The following ABHD13 variants were observed in gnomAD, a reference collection of about 807,000 sequenced individuals.
The protein encoded by ABHD13 is abhydrolase domain containing 13.
A neutral mutation model predicts 25.2 loss-of-function variants in ABHD13; 7 were observed. The ratio of observed to expected loss-of-function variants is 0.28; its 90% CI spans 0.16 to 0.52. The LOEUF is 0.52. Ranked by LOEUF, ABHD13 falls within the 20% of genes least tolerant of loss-of-function variation. ABHD13 has a pLI of 0.96. For synonymous variants in ABHD13, 133 were observed against 136.1 expected, an observed-to-expected ratio of 0.98 and a Z score of 0.16; for missense variants, 302 against 402.7, an observed-to-expected ratio of 0.75 and a Z score of 2.14.
At position 108,221,362 on chromosome 13, in the gene ABHD13, T is replaced by C. The variant is rs146776940; in HGVS notation, c.-21+2703T>C. 5.6e-3 allele frequency among the ~76,000 whole-genome samples: 857 copies of C among 152,328 alleles called. 2 individuals carry two copies. Among genetic ancestry groups the C allele is most frequent in the South Asian group, 0.011 (51 of 4,828 alleles). ...CTGGCATGGTTTCTTAACTTCCCAA[T>C]GCTTAACAGAAGAGGAGAGAGATTG... On this transcript the variant is annotated intron_variant, in intron 1 of 1. Coordinates refer to ENST00000375898, the MANE Select transcript of ABHD13 (RefSeq NM_032859.3).
At position 108,231,236 on chromosome 13, in the gene ABHD13, T is replaced by C. The variant is rs1456489693; in HGVS notation, c.*1004T>C. On this transcript the variant is annotated 3_prime_UTR_variant, in exon 2 of 2. Transcript: ENST00000375898. ...TATCTAACCTATCAAAGGCAAGATA[T>C]CATTTATTGGACTTCTTGAAAATAA... The C allele has an allele frequency of 6.0e-6, 1 of 166,812 alleles. No individual in the cohort carries two copies. The highest frequency in any genetic ancestry group is 1.5e-5 in the Non-Finnish European group (1 of 67,964). The allele number at this position is 166,812 out of a possible 1,614,324, so 10.3% of individuals were successfully genotyped here. A position where few individuals can be genotyped will look rare whatever the true frequency, so the allele number is the denominator to read the frequency against.
rs1879806782 is a variant in ABHD13 at position 108,231,649 on chromosome 13, T to C, written c.*1417T>C. 2 of 166,916 alleles carry C rather than the reference T, an allele frequency of 1.2e-5. No homozygotes were observed. The highest frequency in any genetic ancestry group is 1.9e-4 in the East Asian group (1 of 5,196). 10.3% of individuals were successfully genotyped at this position (166,916 alleles called of 1,614,324 possible). On this transcript the variant is annotated 3_prime_UTR_variant, in exon 2 of 2. Coordinates refer to ENST00000375898, the MANE Select transcript of ABHD13 (RefSeq NM_032859.3). ...TGTAATTGAGCTTTGTGTAATATTA[T>C]GTCAGCTTTAACATATAATATTTTG...
intron 1 of ABHD13, among the ~76,000 whole-genome samples, chr13:108,228,735 T>G (rs756257903): frequency 6.6e-6 from 1 of 151,892 alleles, no homozygotes; most frequent in Non-Finnish European, 1.5e-5. Flanking sequence ...TCAGTACAGT[T>G]TGCCCTGGAC....
rs754960641 is a variant in ABHD13, at chr13:108,230,378, A to G, written c.*146A>G. The G allele has an allele frequency of 1.1e-4, 76 of 673,468 alleles. No individual in the cohort carries two copies. Among genetic ancestry groups the G allele is most frequent in the Non-Finnish European group, 1.7e-4 (69 of 417,388 alleles). The allele number at this position is 673,468 out of a possible 1,614,324, so 41.7% of individuals were successfully genotyped here. Reference sequence around the variant, plus strand: ...TTCACTGCTCCTTTACGATATTCCAAATAGTTTTTTACATTGGAAAAACTA... The same window carrying G: ...TTCACTGCTCCTTTACGATATTCCAGATAGTTTTTTACATTGGAAAAACTA... On this transcript the variant is annotated 3_prime_UTR_variant, in exon 2 of 2. Coordinates refer to ENST00000375898, the MANE Select transcript of ABHD13 (RefSeq NM_032859.3).
chr13:108,229,232 G>C lies in ABHD13; in HGVS notation c.14G>C (p.Trp5Ser). The C allele has an allele frequency of 6.4e-7, 1 of 1,554,716 alleles. No homozygotes were observed. Among genetic ancestry groups the C allele is most frequent in the Middle Eastern group, 1.7e-4 (1 of 5,734 alleles). MEKSWMLWNFVERWL... is the reference protein window; with the variant it reads MEKSSMLWNFVERWL... ...CAGAGAGCTACAATGGAAAAGTCCTGGATGCTGTGGAACTTTGTTGAAAGA... is the reference window on the plus strand; with the variant it reads ...CAGAGAGCTACAATGGAAAAGTCCTCGATGCTGTGGAACTTTGTTGAAAGA... The change falls in exon 2 of 2, where the codon TGG (tryptophan) becomes TCG (serine). Residue 5 changes from tryptophan to serine, a missense_variant. Trp to Ser is a radical substitution (Grantham distance 177). Coordinates refer to ENST00000375898, the MANE Select transcript of ABHD13 (RefSeq NM_032859.3). This position sits in a 1 kb window ranked among gnomAD's most constrained non-coding sequence, Gnocchi z 4.7.
rs912771921 is a variant in ABHD13 at position 108,230,689 on chromosome 13, T to C, written c.*457T>C. On this transcript the variant is annotated 3_prime_UTR_variant, in exon 2 of 2. Transcript: ENST00000375898. ...AGTTAAATGAAATGCATGATGGTAT[T>C]TTATTCCTTGAATTATGCAATGCAA... The C allele has an allele frequency of 1.2e-5, 2 of 170,236 alleles. No homozygotes were observed. Among genetic ancestry groups the C allele is most frequent in the African/African-American group, 4.8e-5 (2 of 41,444 alleles). The allele number at this position is 170,236 out of a possible 1,614,324, so 10.5% of individuals were successfully genotyped here.
intron 1 of ABHD13, among the ~76,000 whole-genome samples, chr13:108,219,787 G>A (rs2139007263): frequency 6.6e-6 from 1 of 152,342 alleles, no homozygotes; most frequent in Non-Finnish European, 1.5e-5. Context: ...ACTACAGAAT[G>A]TGGAATGGGT....
chr13:108,218,501 A>T lies in ABHD13; in HGVS notation c.-179A>T, dbSNP rs771370915. The T allele has an allele frequency of 4.6e-5, 7 of 151,906 alleles. No homozygotes were observed. The highest frequency in any genetic ancestry group is 8.8e-5 in the Non-Finnish European group (6 of 67,972). The allele number at this position is 151,906 out of a possible 1,614,324, so 9.4% of individuals were successfully genotyped here. A position where few individuals can be genotyped will look rare whatever the true frequency, so the allele number is the denominator to read the frequency against. Reference sequence around the variant, plus strand: ...GAGCGGGGGCCGGAAGTGGGGCCACAGCTCGCAGCAGGAGCTCCGGGCTAG... The same window carrying T: ...GAGCGGGGGCCGGAAGTGGGGCCACTGCTCGCAGCAGGAGCTCCGGGCTAG... On this transcript the variant is annotated 5_prime_UTR_variant, in exon 1 of 2. Transcript: ENST00000375898.
In ABHD13 at chr13:108,229,285, TG is replaced by T; in HGVS notation, c.70del (p.Ala24LeufsTer10). ...GCTAATAGCCTTGGCTTCATGGTCTTGGGCTCTCTGCCGTATTTCTCTTTTA... is the reference window on the plus strand; with the variant it reads ...GCTAATAGCCTTGGCTTCATGGTCTTGGCTCTCTGCCGTATTTCTCTTTTA... ...RWLIALASWS[W>X]ALCRISLLPL... On this transcript the variant is annotated frameshift_variant, in exon 2 of 2. Transcript: ENST00000375898. LOFTEE classifies it high-confidence loss of function. This position sits in a 1 kb window ranked among gnomAD's most constrained non-coding sequence, Gnocchi z 4.7. 6.2e-7 allele frequency: 1 copy of T among 1,606,366 alleles called. No homozygotes were observed. The highest frequency in any genetic ancestry group is 1.7e-5 in the Admixed American group (1 of 59,002).
chr13:108,225,902 G>A (rs1879662419), intron 1 of ABHD13, among the ~76,000 whole-genome samples: 1 of 152,142 alleles, frequency 6.6e-6, no homozygotes, highest in Non-Finnish European at 1.5e-5. Flanking sequence ...AAGTTTGAGT[G>A]TATTAAATGC....
At position 108,232,906 on chromosome 13, in the gene ABHD13, A is replaced by G. The variant is rs1478978309; in HGVS notation, c.*2674A>G. On this transcript the variant is annotated 3_prime_UTR_variant, in exon 2 of 2. Coordinates refer to ENST00000375898, the MANE Select transcript of ABHD13 (RefSeq NM_032859.3). ...ATACTAGTAGGATAGAAACAACTAG[A>G]AAGGAAAGTGTGACACAGTTTTTAA... The G allele has an allele frequency of 6.0e-6, 1 of 166,884 alleles. No individual in the cohort carries two copies. Among genetic ancestry groups the G allele is most frequent in the Non-Finnish European group, 1.5e-5 (1 of 68,016 alleles). The allele number at this position is 166,884 out of a possible 1,614,324, so 10.3% of individuals were successfully genotyped here. A position where few individuals can be genotyped will look rare whatever the true frequency, so the allele number is the denominator to read the frequency against.
chr13:108,231,272 A>G lies in ABHD13; in HGVS notation c.*1040A>G, dbSNP rs1225767442. ...ACTTCTTGAAAATAAAAGTTACAAA[A>G]TCCAACAACAACAACAACAAAACAA... On this transcript the variant is annotated 3_prime_UTR_variant, in exon 2 of 2. Coordinates refer to ENST00000375898, the MANE Select transcript of ABHD13 (RefSeq NM_032859.3). 1 of 166,826 alleles carries G rather than the reference A, an allele frequency of 6.0e-6. No individual in the cohort carries two copies. The highest frequency in any genetic ancestry group is 6.6e-5 in the Admixed American group (1 of 15,230). The allele number at this position is 166,826 out of a possible 1,614,324, so 10.3% of individuals were successfully genotyped here.
At chr13:108,221,109 A>C (rs532705954) in intron 1 of ABHD13, among the ~76,000 whole-genome samples, 19 of 152,248 alleles carry the variant, frequency 1.2e-4, no homozygotes, top group Non-Finnish European at 1.3e-4. Flanking sequence ...TTTTTGAGCT[A>C]TCTGCTCATA....
intron 1 of ABHD13, among the ~76,000 whole-genome samples, chr13:108,223,473 T>G (rs962777553): frequency 6.6e-6 from 1 of 152,238 alleles, no homozygotes; most frequent in Non-Finnish European, 1.5e-5. Flanking sequence ...TAAAAAGATG[T>G]GTACTTGTTA....
chr13:108,226,049 C>T (rs1221481008), intron 1 of ABHD13, among the ~76,000 whole-genome samples: 3 of 152,202 alleles, frequency 2.0e-5, no homozygotes, highest in African/African-American at 7.2e-5. Context: ...TACTTGATTG[C>T]TTCACTCATT....
intron 1 of ABHD13, among the ~76,000 whole-genome samples, chr13:108,223,194 A>G (rs924442707): frequency 6.6e-5 from 10 of 152,242 alleles, no homozygotes; most frequent in Non-Finnish European, 1.5e-4. Context: ...AAATGGTGAC[A>G]TGTTTAATAT....
chr13:108,223,675 A>C (rs1281799829), intron 1 of ABHD13, among the ~76,000 whole-genome samples: 1 of 152,250 alleles, frequency 6.6e-6, no homozygotes, highest in Non-Finnish European at 1.5e-5. Context: ...TGCAAGTGTC[A>C]AACAGTGAAA....
intron 1 of ABHD13, among the ~76,000 whole-genome samples, chr13:108,225,156 A>G (rs541584194): frequency 6.6e-6 from 1 of 152,308 alleles, no homozygotes; most frequent in East Asian, 1.9e-4. Context: ...TTGTTTACAC[A>G]TCATGCTTTT....
chr13:108,225,443 C>A (rs1248866029), intron 1 of ABHD13, among the ~76,000 whole-genome samples: 1 of 152,008 alleles, frequency 6.6e-6, no homozygotes, highest in African/African-American at 2.4e-5. Flanking sequence ...GGGTATAGGG[C>A]AGAGAGAAAC....
Sources: gnomAD v4.1 joint callset for allele counts (sites outside exome capture counted in the v4.1 genomes callset) on GRCh38, gnomAD v4.1.1 for gene constraint, Gnocchi (gnomAD v3.1) non-coding constraint, MANE v1.5 for transcripts, NCBI Gene and HGNC (gene_info 2026-07-23, HGNC 2026-07-21) for gene names.